PRIM2: variants seen among roughly 807,000 people sequenced by gnomAD.
The protein encoded by PRIM2 is DNA primase subunit 2, also known as DNA primase large subunit.
A neutral mutation model predicts 67.3 loss-of-function variants in PRIM2; 39 were observed. That is an observed-to-expected ratio of 0.58 (90% CI 0.45 to 0.76). The LOEUF (loss-of-function observed/expected upper bound fraction) is 0.76. PRIM2 is among the 30% of genes least tolerant of loss of function. PRIM2 has a pLI of 0.00. For synonymous variants in PRIM2, 143 were observed against 198.7 expected (o/e 0.72, Z 2.36); for missense variants, 398 against 598.7 (o/e 0.66, Z 3.50).
At chr6:57,643,639 G>T (rs1483082326) in intron 13 of PRIM2, among the ~76,000 whole-genome samples, 1 of 152,108 alleles carries the variant, frequency 6.6e-6, no homozygotes, top group East Asian at 1.9e-4. Flanking sequence ...ATTTATATTG[G>T]ATTTCCCAGT....
chr6:57,373,421 A>G (rs1769635694), intron 5 of PRIM2, among the ~76,000 whole-genome samples: 2 of 151,760 alleles, frequency 1.3e-5, no homozygotes, highest in Admixed American at 1.3e-4. Flanking sequence ...TACTCTGTTG[A>G]TAGATTCTTT....
chr6:57,593,708 A>G (rs1181476669), intron 10 of PRIM2, among the ~76,000 whole-genome samples: 1 of 152,226 alleles, frequency 6.6e-6, no homozygotes, highest in Non-Finnish European at 1.5e-5. Context: ...TCTGTACAAT[A>G]TTTGTTGAAT....
At chr6:57,342,810 G>A (rs906113133) in intron 5 of PRIM2, among the ~76,000 whole-genome samples, 1 of 152,138 alleles carries the variant, frequency 6.6e-6, no homozygotes, top group African/African-American at 2.4e-5. Context: ...TGGTAACCTC[G>A]TTGCCTCACT....
chr6:57,491,983 G>A (rs1554346000), intron 7 of PRIM2, among the ~76,000 whole-genome samples: 84 of 152,188 alleles, frequency 5.5e-4, no homozygotes, highest in African/African-American at 1.8e-3. Context: ...CCCCTACTGC[G>A]CATGTGTTAA....
At chr6:57,262,760 CTCAGCTAATT>C in the PRIM2 span, among the ~76,000 whole-genome samples, 2 of 152,156 alleles carry the variant, frequency 1.3e-5, no homozygotes, top group African/African-American at 4.8e-5. Flanking sequence ...TGACTATTTC[CTCAGCTAATT>C]TCACATGTAA....
chr6:57,573,704 A>G (rs1292881594), intron 10 of PRIM2, among the ~76,000 whole-genome samples: 1 of 152,190 alleles, frequency 6.6e-6, no homozygotes, highest in African/African-American at 2.4e-5. Context: ...TAAAATGATA[A>G]GCAATTGGAT....
intron 5 of PRIM2, among the ~76,000 whole-genome samples, chr6:57,357,812 T>C (rs1936574419): frequency 6.6e-6 from 1 of 152,112 alleles, no homozygotes; most frequent in South Asian, 2.1e-4. Flanking sequence ...GTGAAGCTGG[T>C]ATCGGATTCC....
At chr6:57,595,624 A>G (rs1292018160) in intron 10 of PRIM2, among the ~76,000 whole-genome samples, 129 of 152,280 alleles carry the variant, frequency 8.5e-4, no homozygotes, top group African/African-American at 2.9e-3. Flanking sequence ...GTAATGTGCT[A>G]GAGCAGCTCA....
At chr6:57,427,504 G>A (rs1435698659) in intron 7 of PRIM2, among the ~76,000 whole-genome samples, 5 of 152,108 alleles carry the variant, frequency 3.3e-5, no homozygotes, top group African/African-American at 7.2e-5. Context: ...TTTTAGTGAG[G>A]ACGGAGTTTC....
rs1476885459 is a variant in PRIM2, at chr6:57,574,104, A to G, written c.1021-26989A>G. Reference sequence around the variant, plus strand: ...TATTCACACCAGCCTCCGATTGGCCATGAGGCAAACCTGCACTGTGGCCTA... The same window carrying G: ...TATTCACACCAGCCTCCGATTGGCCGTGAGGCAAACCTGCACTGTGGCCTA... On this transcript the variant is annotated intron_variant, in intron 10 of 13. Coordinates refer to ENST00000615550, the MANE Select transcript of PRIM2 (RefSeq NM_000947.5). Among the ~76,000 whole-genome samples, 12 of 152,194 alleles carry G rather than the reference A, an allele frequency of 7.9e-5. No individual in the cohort carries two copies. The East Asian group carries it at 2.1e-3, about 27-fold the overall frequency.
At chr6:57,343,335 A>T (rs1768557442) in intron 5 of PRIM2, among the ~76,000 whole-genome samples, 1 of 152,228 alleles carries the variant, frequency 6.6e-6, no homozygotes, top group African/African-American at 2.4e-5. Context: ...TGAACATCCC[A>T]TGCATTGATA....
chr6:57,270,911 T>C, the PRIM2 span, among the ~76,000 whole-genome samples: 21 of 152,006 alleles, frequency 1.4e-4, 1 homozygote, highest in African/African-American at 5.1e-4. Flanking sequence ...TTTGGTTCTG[T>C]TTATATGCTG....
chr6:57,422,158 CTT>C (rs575958629), intron 7 of PRIM2, among the ~76,000 whole-genome samples: 4,486 of 103,346 alleles, frequency 0.043, 407 homozygotes, highest in African/African-American at 0.14. Context: ...TCTTTTCTTT[CTT>C]TTTTTTTTTT....
chr6:57,448,106 GC>G (rs1772423075), intron 7 of PRIM2, among the ~76,000 whole-genome samples: 1 of 152,176 alleles, frequency 6.6e-6, no homozygotes, highest in Non-Finnish European at 1.5e-5. Flanking sequence ...TGTGTAGCAT[GC>G]ACTTTCTCCA....
chr6:57,429,512 A>G (rs1771749519), intron 7 of PRIM2, among the ~76,000 whole-genome samples: 1 of 152,182 alleles, frequency 6.6e-6, no homozygotes, highest in East Asian at 1.9e-4. Context: ...AGGTTTGATA[A>G]AAGAGTCTTT....
intron 3 of PRIM2, among the ~76,000 whole-genome samples, chr6:57,323,503 G>T (rs1217458052): frequency 6.6e-6 from 1 of 151,966 alleles, no homozygotes; most frequent in Non-Finnish European, 1.5e-5. Flanking sequence ...TTTACTTCTC[G>T]GTTTCATCTG....
chr6:57,511,960 G>C (rs1774381001), intron 8 of PRIM2, among the ~76,000 whole-genome samples: 1 of 152,198 alleles, frequency 6.6e-6, no homozygotes, highest in Admixed American at 6.5e-5. Flanking sequence ...GAACGGTTGA[G>C]ATCACTCAGG....
At chr6:57,245,684 C>T in the PRIM2 span, among the ~76,000 whole-genome samples, 18 of 152,258 alleles carry the variant, frequency 1.2e-4, 2 homozygotes, top group South Asian at 3.7e-3. Flanking sequence ...AGAAATACTT[C>T]CTCTTCTCTG....
chr6:57,604,303 T>G (rs1434921660), intron 11 of PRIM2, among the ~76,000 whole-genome samples: 1 of 152,186 alleles, frequency 6.6e-6, no homozygotes, highest in African/African-American at 2.4e-5. Flanking sequence ...TACTGATTTT[T>G]GTATATTAAT....
Sources: allele counts gnomAD v4.1 joint callset (sites outside exome capture counted in the v4.1 genomes callset), GRCh38; gene constraint gnomAD v4.1.1; transcripts MANE v1.5; gene names NCBI Gene and HGNC (gene_info 2026-07-23, HGNC 2026-07-21).